CCDC7: variants seen among roughly 807,000 people sequenced by gnomAD.
CCDC7 encodes coiled-coil domain-containing protein 7.
In CCDC7, 183 loss-of-function variants were observed where a neutral mutation model predicts 196.9. That is an observed-to-expected ratio of 0.93 (90% CI 0.82 to 1.05). The LOEUF (loss-of-function observed/expected upper bound fraction) is 1.05. Among genes scored for constraint, CCDC7 ranks in the 50% least tolerant of loss-of-function variants. The pLI, the probability that CCDC7 is intolerant of heterozygous loss-of-function variation, is 0.00. For missense variants in CCDC7, 1,540 were observed against 1,482.2 expected, an observed-to-expected ratio of 1.04 and a Z score of -0.64; for synonymous variants, 525 against 484.6, an observed-to-expected ratio of 1.08 and a Z score of -1.10.
At chr10:32,535,126 A>G (rs1284106886) in intron 11 of CCDC7, among the ~76,000 whole-genome samples, 1 of 150,630 alleles carries the variant, frequency 6.6e-6, no homozygotes, top group Non-Finnish European at 1.5e-5. Context: ...TCTGGGTGAA[A>G]AACTCCGGGC....
intron 29 of CCDC7, among the ~76,000 whole-genome samples, chr10:32,786,594 C>T (rs2081926281): frequency 6.6e-6 from 1 of 152,128 alleles, no homozygotes; most frequent in Admixed American, 6.5e-5. Flanking sequence ...AACTTCATCT[C>T]TACTAAAAAT....
At chr10:32,679,282 T>A (rs1208502808) in intron 21 of CCDC7, among the ~76,000 whole-genome samples, 3 of 152,144 alleles carry the variant, frequency 2.0e-5, no homozygotes, top group African/African-American at 7.2e-5. Context: ...AAAAGCCCAA[T>A]AGATTCCTCT....
intron 2 of CCDC7, 27 bp downstream of exon 3, chr10:32,453,463 G>C: frequency 7.1e-7 from 1 of 1,398,802 alleles, no homozygotes; most frequent in South Asian, 1.8e-5. Flanking sequence ...CTAATATAGA[G>C]ACATTAACAC....
intron 2 of CCDC7, among the ~76,000 whole-genome samples, chr10:32,453,937 A>G (rs2033729651): frequency 6.6e-6 from 1 of 152,250 alleles, no homozygotes; most frequent in Admixed American, 6.5e-5. Flanking sequence ...CAGAATAGCT[A>G]CTGAATCCAG....
intron 13 of CCDC7, 71 bp downstream of exon 14, chr10:32,544,372 CATT>C (rs2052058163): frequency 9.6e-6 from 14 of 1,459,096 alleles, no homozygotes; most frequent in African/African-American, 1.4e-5. Context: ...TATAGAGAAA[CATT>C]ATTACGTATG....
chr10:32,648,199 G>C (rs1353974132), intron 20 of CCDC7, among the ~76,000 whole-genome samples: 6 of 152,054 alleles, frequency 3.9e-5, no homozygotes, highest in African/African-American at 1.4e-4. Context: ...GTCTGTTTTT[G>C]TACCAGTACC....
chr10:32,685,995 G>T, exon 22 of CCDC7: 4 of 1,582,420 alleles, frequency 2.5e-6, no homozygotes, highest in Non-Finnish European at 3.4e-6. Context: ...CAAATGAAAG[G>T]CTTGTAGTTG....
intron 24 of CCDC7, among the ~76,000 whole-genome samples, chr10:32,710,853 A>G (rs1403673099): frequency 6.6e-6 from 1 of 152,194 alleles, no homozygotes; most frequent in Non-Finnish European, 1.5e-5. Context: ...ATAGCAAGCG[A>G]GATTGAAGGT....
chr10:32,462,056 G>A (rs920625620), intron 3 of CCDC7, among the ~76,000 whole-genome samples: 4 of 151,912 alleles, frequency 2.6e-5, no homozygotes, highest in African/African-American at 9.7e-5. Flanking sequence ...ACAGGCATGA[G>A]CCACCCCACC....
At chr10:32,630,166 C>T (rs1230712882) in intron 18 of CCDC7, among the ~76,000 whole-genome samples, 1 of 152,040 alleles carries the variant, frequency 6.6e-6, no homozygotes, top group Non-Finnish European at 1.5e-5. Flanking sequence ...TTCAAACTGC[C>T]CCTTTGTTTT....
At chr10:32,733,297 A>G (rs1170026443) in intron 28 of CCDC7, among the ~76,000 whole-genome samples, 1 of 152,130 alleles carries the variant, frequency 6.6e-6, no homozygotes, top group Non-Finnish European at 1.5e-5. Context: ...GAGAGAAAAT[A>G]TTGCTGGATA....
intron 25 of CCDC7, among the ~76,000 whole-genome samples, chr10:32,714,608 T>C (rs941919609): frequency 6.6e-6 from 1 of 152,120 alleles, no homozygotes; most frequent in African/African-American, 2.4e-5. Context: ...TCTTCCTCAG[T>C]GGATCCCACC....
intron 18 of CCDC7, among the ~76,000 whole-genome samples, chr10:32,627,566 A>G (rs1283409342): frequency 6.6e-6 from 1 of 151,924 alleles, no homozygotes; most frequent in Non-Finnish European, 1.5e-5. Context: ...AAGTGGTGAG[A>G]GTGGGCATTC....
At position 32,545,857 on chromosome 10, in the gene CCDC7, G is replaced by GACC. The variant is rs527724592; in HGVS notation, c.1134+1559_1134+1561dup. On this transcript the variant is annotated intron_variant, in intron 13 of 41. Coordinates refer to ENST00000639629, the Ensembl canonical transcript of CCDC7. ...GGAGGCGGAGGCTGCAGTGAGCCGA[G>GACC]ACCACACCACTGCACGCCAGCCTGG... is the stretch of plus-strand genomic sequence containing the variant. 4.1e-4 allele frequency among the ~76,000 whole-genome samples: 54 copies of GACC among 131,782 alleles called. 1 individual carries two copies. In the East Asian group the frequency reaches 0.011, roughly 28 times the overall value. The allele number at this position is 131,782 out of a possible 152,430, so 86.5% of individuals were successfully genotyped here. A position where few individuals can be genotyped will look rare whatever the true frequency, so the allele number is the denominator to read the frequency against.
At chr10:32,557,406 T>C (rs2054546630) in intron 13 of CCDC7, among the ~76,000 whole-genome samples, 1 of 152,098 alleles carries the variant, frequency 6.6e-6, no homozygotes, top group Non-Finnish European at 1.5e-5. Flanking sequence ...TGGGACATTT[T>C]CAATGTATTA....
intron 8 of CCDC7, among the ~76,000 whole-genome samples, chr10:32,491,593 C>T (rs1327247585): frequency 6.6e-6 from 1 of 152,040 alleles, no homozygotes; most frequent in Non-Finnish European, 1.5e-5. Flanking sequence ...GGACATTAAT[C>T]CAGTTTTGTC....
chr10:32,639,365 G>A (rs1344114908), intron 20 of CCDC7, among the ~76,000 whole-genome samples: 1 of 151,742 alleles, frequency 6.6e-6, no homozygotes, highest in Non-Finnish European at 1.5e-5. Context: ...TCTCTTGTGG[G>A]CATTTAGTGC....
intron 25 of CCDC7, among the ~76,000 whole-genome samples, chr10:32,715,320 A>G (rs936737768): frequency 6.6e-6 from 1 of 152,232 alleles, no homozygotes; most frequent in African/African-American, 2.4e-5. Flanking sequence ...GACTGTTAGA[A>G]GGAAAACTAA....
intron 24 of CCDC7, among the ~76,000 whole-genome samples, chr10:32,708,374 G>T (rs749804467): frequency 6.6e-6 from 1 of 152,114 alleles, no homozygotes; most frequent in Admixed American, 6.6e-5. Flanking sequence ...AACCCTAGAA[G>T]AAAACCTAGG....
Sources: gnomAD v4.1 joint callset for allele counts (sites outside exome capture counted in the v4.1 genomes callset) on GRCh38, gnomAD v4.1.1 for gene constraint, MANE v1.5 for transcripts, NCBI Gene and HGNC (gene_info 2026-07-23, HGNC 2026-07-21) for gene names.